FRMD4A: variants seen among roughly 807,000 people sequenced by gnomAD.
FRMD4A encodes the protein FERM domain containing 4A, also known as FERM domain-containing protein 4A.
FRMD4A carries 29 observed loss-of-function variants against 129.1 expected under a neutral mutation model. That is an observed-to-expected ratio of 0.22 (90% confidence interval 0.17 to 0.31). The LOEUF is 0.31. Among genes scored for constraint, FRMD4A ranks in the 10% least tolerant of loss-of-function variants. The pLI is 1.00. For synonymous variants in FRMD4A, 634 were observed against 571.6 expected (o/e 1.11, Z -1.56); for missense variants, 1,272 against 1,375.8 (o/e 0.92, Z 1.19).
intron 3 of FRMD4A, among the ~76,000 whole-genome samples, chr10:13,844,665 A>G (rs529439352): frequency 6.6e-6 from 1 of 152,354 alleles, no homozygotes; most frequent in Admixed American, 6.5e-5. Context: ...TAAAAGAAAG[A>G]AATTCTTGAT....
intron 2 of FRMD4A, among the ~76,000 whole-genome samples, chr10:13,978,141 C>G (rs2095548499): frequency 6.6e-6 from 1 of 152,300 alleles, no homozygotes; most frequent in South Asian, 2.1e-4. Context: ...ATTTCTCTAC[C>G]TCCTTGCCAA....
chr10:13,770,422 T>C (rs1007056624), intron 6 of FRMD4A, among the ~76,000 whole-genome samples: 1 of 152,172 alleles, frequency 6.6e-6, no homozygotes, highest in African/African-American at 2.4e-5. Flanking sequence ...TATTAACTTA[T>C]ATTTTAAATA....
At chr10:14,167,883 G>A (rs1312816157) in intron 2 of FRMD4A, among the ~76,000 whole-genome samples, 2 of 152,160 alleles carry the variant, frequency 1.3e-5, no homozygotes, top group Admixed American at 6.5e-5. Context: ...GAGCTATAGG[G>A]CATCCCCGTG....
intron 8 of FRMD4A, among the ~76,000 whole-genome samples, chr10:13,756,387 G>A (rs1431574198): frequency 3.3e-5 from 5 of 152,104 alleles, no homozygotes; most frequent in African/African-American, 9.7e-5. Flanking sequence ...ACAGGGTCTC[G>A]CTCTATTACT....
chr10:14,066,562 G>C (rs371876272), intron 2 of FRMD4A, among the ~76,000 whole-genome samples: 8 of 152,256 alleles, frequency 5.3e-5, no homozygotes, highest in South Asian at 4.2e-4. Context: ...ACTGTGTAAA[G>C]TGTACACAGA....
In FRMD4A at chr10:13,699,244, T is replaced by TGTTTG. The variant is rs753299608; in HGVS notation, c.975+2095_975+2096insCAAAC. Among the ~76,000 whole-genome samples, 217 of 145,090 alleles carry TGTTTG rather than the reference T, an allele frequency of 1.5e-3. 1 individual carries two copies. The highest frequency in any genetic ancestry group is 5.2e-3 in the African/African-American group (205 of 39,438). On this transcript the variant is annotated intron_variant, in intron 14 of 24. Coordinates refer to ENST00000357447, the MANE Select transcript of FRMD4A (RefSeq NM_018027.5). ...TTATTGTTTTTTTTTTTTTTTTTTT[T>TGTTTG]TTTTGTATTTTTAGTAAAGACTGGG...
At chr10:14,066,761 T>C (rs1345605485) in intron 2 of FRMD4A, among the ~76,000 whole-genome samples, 3 of 151,810 alleles carry the variant, frequency 2.0e-5, no homozygotes, top group Non-Finnish European at 4.4e-5. Flanking sequence ...TAACCTAGCA[T>C]AAAAATCTGC....
rs2080997762 is a variant in FRMD4A at position 13,644,511 on chromosome 10, C to CTCTCCATT, written c.*2519_*2526dup. 6.6e-6 allele frequency: 1 copy of CTCTCCATT among 152,184 alleles called. No homozygotes were observed. The highest frequency in any genetic ancestry group is 1.5e-5 in the Non-Finnish European group (1 of 68,040). 9.4% of individuals were successfully genotyped at this position (152,184 alleles called of 1,614,324 possible). On this transcript the variant is annotated 3_prime_UTR_variant, in exon 25 of 25. Transcript: ENST00000357447. ...ATGTTTGTTGGAACTGTAATTCCTG[C>CTCTCCATT]TCTCCATTTCTCTCTGTCCCCCAAG...
intron 15 of FRMD4A, chr10:13,685,065 A>G: frequency 1.0e-6 from 1 of 984,808 alleles, no homozygotes; most frequent in Non-Finnish European, 1.2e-6. Context: ...CCAGGAGACC[A>G]CGGGAAATAA....
chr10:13,949,189 G>A (rs944545687), intron 2 of FRMD4A, among the ~76,000 whole-genome samples: 5 of 150,478 alleles, frequency 3.3e-5, no homozygotes, highest in South Asian at 2.1e-4. Context: ...TTTCAAGATC[G>A]ATAAACTCAG....
chr10:14,163,039 T>G (rs1840988720), intron 2 of FRMD4A, among the ~76,000 whole-genome samples: 1 of 152,128 alleles, frequency 6.6e-6, no homozygotes, highest in South Asian at 2.1e-4. Context: ...GCCAAAAATC[T>G]AGAGAGACCA....
At chr10:14,310,062 A>T (rs1846490435) in intron 2 of FRMD4A, among the ~76,000 whole-genome samples, 1 of 151,974 alleles carries the variant, frequency 6.6e-6, no homozygotes, top group Non-Finnish European at 1.5e-5. Context: ...TAACCCTGTG[A>T]GTTGAACCCC....
intron 2 of FRMD4A, among the ~76,000 whole-genome samples, chr10:13,949,506 A>C (rs2095357846): frequency 6.6e-6 from 1 of 152,210 alleles, no homozygotes; most frequent in Non-Finnish European, 1.5e-5. Context: ...CATGGGTCTT[A>C]AAAACTCACA....
intron 3 of FRMD4A, among the ~76,000 whole-genome samples, chr10:13,836,273 C>A (rs1251219694): frequency 6.6e-6 from 1 of 152,222 alleles, no homozygotes; most frequent in Non-Finnish European, 1.5e-5. Context: ...GCTGGGATTA[C>A]AGGTGTGAGC....
chr10:14,026,918 T>G (rs1286502825), intron 2 of FRMD4A, among the ~76,000 whole-genome samples: 1 of 152,104 alleles, frequency 6.6e-6, no homozygotes, highest in African/African-American at 2.4e-5. Flanking sequence ...CTCAGAGGAG[T>G]GTTCAACATC....
At chr10:14,073,229 C>T (rs1264453932) in intron 2 of FRMD4A, among the ~76,000 whole-genome samples, 1 of 152,054 alleles carries the variant, frequency 6.6e-6, no homozygotes, top group Non-Finnish European at 1.5e-5. Flanking sequence ...CTTGTAGTCC[C>T]TTTAGTAGGC....
intron 2 of FRMD4A, among the ~76,000 whole-genome samples, chr10:14,247,209 A>G (rs570606845): frequency 6.6e-6 from 1 of 152,220 alleles, no homozygotes; most frequent in South Asian, 2.1e-4. Context: ...TGTGATGGCC[A>G]TGCCCAGAGT....
At chr10:14,022,848 G>C (rs1485842018) in intron 2 of FRMD4A, among the ~76,000 whole-genome samples, 1 of 152,164 alleles carries the variant, frequency 6.6e-6, no homozygotes, top group Non-Finnish European at 1.5e-5. Context: ...GTTAGGAGAG[G>C]AGCCTGCGGG....
intron 2 of FRMD4A, among the ~76,000 whole-genome samples, chr10:14,269,911 G>A (rs1417689814): frequency 6.6e-6 from 1 of 152,208 alleles, no homozygotes; most frequent in African/African-American, 2.4e-5. Context: ...TGATTAGAAT[G>A]TTTGAGCTGC....
Sources: allele counts gnomAD v4.1 joint callset (sites outside exome capture counted in the v4.1 genomes callset), GRCh38; gene constraint gnomAD v4.1.1; transcripts MANE v1.5; gene names NCBI Gene and HGNC (gene_info 2026-07-23, HGNC 2026-07-21).